The following NALCN variants were observed in gnomAD, a reference collection of about 807,000 sequenced individuals.
The protein encoded by NALCN is sodium leak channel NALCN.
In NALCN, 111 loss-of-function variants were observed where a neutral mutation model predicts 225.3. That is an observed-to-expected ratio of 0.49 (90% CI 0.42 to 0.58). The LOEUF (loss-of-function observed/expected upper bound fraction) is 0.58, where lower values mean the gene tolerates loss of function less well. Among genes scored for constraint, NALCN ranks in the 20% least tolerant of loss-of-function variants. NALCN has a pLI of 0.00. For missense variants in NALCN, 1,378 were observed against 2,202.4 expected (o/e 0.63, Z 7.49); for synonymous variants, 764 against 769.0 (o/e 0.99, Z 0.11).
intron 17 of NALCN, among the ~76,000 whole-genome samples, chr13:101,131,140 T>C (rs1423020397): frequency 6.6e-6 from 1 of 152,148 alleles, no homozygotes; most frequent in African/African-American, 2.4e-5. Flanking sequence ...ATTTATAACT[T>C]TTCTCAGTTC....
intron 6 of NALCN, among the ~76,000 whole-genome samples, chr13:101,374,975 A>G (rs1156492512): frequency 1.3e-5 from 2 of 152,216 alleles, no homozygotes; most frequent in African/African-American, 4.8e-5. Flanking sequence ...TTAAATGACC[A>G]TTATAAATGT....
intron 3 of NALCN, among the ~76,000 whole-genome samples, chr13:101,391,123 T>TA (rs916400673): frequency 9.9e-5 from 15 of 151,738 alleles, no homozygotes; most frequent in African/African-American, 1.2e-4. Flanking sequence ...TGATTCTTTT[T>TA]AAAAAAAATC....
At chr13:101,143,413 T>A (rs1294644605) in intron 16 of NALCN, among the ~76,000 whole-genome samples, 192 bp from the exon 17 acceptor site, 3 of 152,136 alleles carry the variant, frequency 2.0e-5, no homozygotes, top group Non-Finnish European at 4.4e-5. Flanking sequence ...AAAAGCAATA[T>A]CCTTGAAATA....
Position 101,145,646 on chromosome 13 carries a change from T to C in NALCN, c.1840-750A>G, listed in dbSNP as rs114437317. On this transcript the variant is annotated intron_variant, in intron 15 of 43. Transcript: ENST00000251127. ...GGTGGACTGTGGCTTCCAGAATTCA[T>C]GCTATACTTTCCTATGCTCTCTTTT... 8.6e-3 allele frequency among the ~76,000 whole-genome samples: 1,306 copies of C among 152,322 alleles called. 23 individuals carry two copies. The highest frequency in any genetic ancestry group is 0.03 in the African/African-American group (1,232 of 41,562).
intron 30 of NALCN, among the ~76,000 whole-genome samples, chr13:101,087,229 C>T (rs1384134450): frequency 1.3e-5 from 2 of 152,036 alleles, no homozygotes; most frequent in African/African-American, 2.4e-5. Context: ...GAATTGTACC[C>T]TAAAGATTCC....
chr13:101,215,075 G>A (rs1204844557), intron 13 of NALCN, among the ~76,000 whole-genome samples: 1 of 152,142 alleles, frequency 6.6e-6, no homozygotes, highest in East Asian at 1.9e-4. Context: ...AGAGCTAAGT[G>A]TTTCAAGCAA....
intron 7 of NALCN, among the ~76,000 whole-genome samples, chr13:101,342,731 T>C (rs1218958759): frequency 1.3e-5 from 2 of 152,206 alleles, no homozygotes; most frequent in African/African-American, 4.8e-5. Flanking sequence ...CTCAATCTTC[T>C]TGATATTTGG....
intron 14 of NALCN, among the ~76,000 whole-genome samples, chr13:101,178,985 T>C (rs1314948302): frequency 6.6e-6 from 1 of 152,198 alleles, no homozygotes; most frequent in Non-Finnish European, 1.5e-5. Context: ...TTCTTAATTA[T>C]ATCCCCCAAA....
intron 17 of NALCN, among the ~76,000 whole-genome samples, chr13:101,138,101 AG>A (rs1218085239): frequency 6.6e-6 from 1 of 152,138 alleles, no homozygotes; most frequent in African/African-American, 2.4e-5. Flanking sequence ...AGGGGAACTT[AG>A]GGGGTTCTGT....
intron 7 of NALCN, among the ~76,000 whole-genome samples, chr13:101,305,410 A>C (rs181632842): frequency 4.6e-5 from 7 of 152,354 alleles, no homozygotes; most frequent in Non-Finnish European, 1.0e-4. Flanking sequence ...AGCACAAATC[A>C]TTGAAGTTAA....
intron 30 of NALCN, among the ~76,000 whole-genome samples, chr13:101,085,711 CATT>C (rs967375289): frequency 2.6e-5 from 4 of 152,086 alleles, no homozygotes; most frequent in African/African-American, 9.7e-5. Context: ...AAGGCAAAAA[CATT>C]ATTTGCTGCT....
intron 7 of NALCN, among the ~76,000 whole-genome samples, chr13:101,317,939 G>A (rs372218573): frequency 1.1e-4 from 17 of 152,026 alleles, no homozygotes; most frequent in East Asian, 9.7e-4. Context: ...CAGTTCTTCC[G>A]GGATGACCCT....
Position 101,111,150 on chromosome 13 carries a change from G to T in NALCN, c.2269C>A (p.Gln757Lys). 1 of 1,608,064 alleles carries T rather than the reference G, an allele frequency of 6.2e-7. No homozygotes were observed. The highest frequency in any genetic ancestry group is 1.1e-5 in the South Asian group (1 of 90,784). The change falls in exon 19 of 44, where the codon CAG (glutamine) becomes AAG (lysine). Residue 757 changes from glutamine (Q) to lysine (K), a missense_variant. Physicochemically the swap from Gln to Lys is moderately conservative, Grantham distance 53. Around this residue, in one of 19 missense-constraint regions of NALCN, gnomAD observed 66 missense variants for 85.7 expected, o/e 0.77. Transcript: ENST00000251127. ...PAKERSILSV[Q>K]HHIRQERRSL... ...CTGCGCTCTTGGCGGATATGATGCT[G>T]CACGCTGAGGATTGACCTCTCCTTT...
chr13:101,147,623 C>T (rs566972497), intron 15 of NALCN, among the ~76,000 whole-genome samples: 1 of 152,286 alleles, frequency 6.6e-6, no homozygotes, highest in Non-Finnish European at 1.5e-5. Flanking sequence ...AGGCTGGCCT[C>T]AAACTCCTGG....
chr13:101,167,805 C>T (rs974168374), intron 15 of NALCN, among the ~76,000 whole-genome samples: 42 of 146,104 alleles, frequency 2.9e-4, no homozygotes, highest in Admixed American at 1.9e-3. Flanking sequence ...TGCTACTGCA[C>T]TCCAGCCTAA....
chr13:101,355,002 A>G (rs557575263), intron 6 of NALCN, among the ~76,000 whole-genome samples: 2 of 152,318 alleles, frequency 1.3e-5, no homozygotes, highest in South Asian at 4.1e-4. Context: ...TAGGTGATCA[A>G]TGAGCTCCTG....
chr13:101,082,104 C>T (rs905866462), intron 33 of NALCN, among the ~76,000 whole-genome samples: 6 of 152,176 alleles, frequency 3.9e-5, no homozygotes, highest in Non-Finnish European at 8.8e-5. Flanking sequence ...TCTCAAACTC[C>T]TGGCCTCAGG....
At chr13:101,356,325 G>C (rs1197730646) in intron 6 of NALCN, among the ~76,000 whole-genome samples, 3 of 152,072 alleles carry the variant, frequency 2.0e-5, no homozygotes, top group South Asian at 2.1e-4. Context: ...GAAGAAAAGA[G>C]AGAAGAATCA....
chr13:101,389,149 A>G (rs917786516), intron 3 of NALCN, among the ~76,000 whole-genome samples: 2 of 152,224 alleles, frequency 1.3e-5, no homozygotes, highest in Non-Finnish European at 2.9e-5. Flanking sequence ...TGGAAGATAC[A>G]GACAATTTTG....
Sources: allele counts gnomAD v4.1 joint callset (sites outside exome capture counted in the v4.1 genomes callset), GRCh38; gene constraint gnomAD v4.1.1; regional missense constraint gnomAD v4.1.1; transcripts MANE v1.5; gene names NCBI Gene and HGNC (gene_info 2026-07-23, HGNC 2026-07-21).